Variants in RIC8A observed in about 807,000 individuals in gnomAD.
RIC8A encodes RIC8 guanine nucleotide exchange factor A.
In RIC8A, 37 loss-of-function variants were observed where a neutral mutation model predicts 48.4. The observed-to-expected ratio is 0.77, with a 90% CI of 0.59 to 1.01. The LOEUF is 1.01. RIC8A is among the 50% of genes least tolerant of loss of function. The pLI, the probability that RIC8A is intolerant of heterozygous loss-of-function variation, is 0.00. For missense variants in RIC8A, 681 were observed against 696.8 expected (o/e 0.98, Z 0.25); for synonymous variants, 288 against 283.4 (o/e 1.02, Z -0.16).
chr11:210,529 A>G (rs565451726), intron 3 of RIC8A, 42 bp from the exon 4 acceptor site: 2 of 1,556,754 alleles, frequency 1.3e-6, no homozygotes, highest in African/African-American at 2.7e-5. Flanking sequence ...CAGCAGTGGG[A>G]TGAGTGGGGC....
Position 213,667 on chromosome 11 carries a change from G to A in RIC8A, c.1475+249G>A, listed in dbSNP as rs1010552585. The A allele has an allele frequency of 2.2e-4, 89 of 402,932 alleles. 1 individual carries two copies. Among genetic ancestry groups the A allele is most frequent in the South Asian group, 7.3e-4 (26 of 35,846 alleles). The allele number at this position is 402,932 out of a possible 1,614,324, so 25.0% of individuals were successfully genotyped here. A position where few individuals can be genotyped will look rare whatever the true frequency, so the allele number is the denominator to read the frequency against. ...AGAAATTAAGAGACTGTCTAAGGCC[G>A]GGCGTGGTAGCTCACGCCTATAATC... On this transcript the variant is annotated intron_variant, in intron 9 of 9. Transcript: ENST00000526104.
At position 213,301 on chromosome 11, in the gene RIC8A, T is replaced by C. The variant is rs1855417756; in HGVS notation, c.1358T>C (p.Ile453Thr). ...ACATTCCACCCACTGGGAAACAGCA[T>C]AAACCCTGTGACCGGGAGGGTGGAG... ...TDEYKEAKASINPVTGRVEEK... is the reference protein window; with the variant it reads ...TDEYKEAKASTNPVTGRVEEK... Residue 453 changes from isoleucine to threonine, a missense_variant and splice_region_variant, in exon 9 of 10, where the codon ATA (isoleucine) becomes ACA (threonine). Transcript: ENST00000526104. 1.2e-6 allele frequency: 2 copies of C among 1,613,936 alleles called. No homozygotes were observed. Among genetic ancestry groups the C allele is most frequent in the East Asian group, 4.5e-5 (2 of 44,882 alleles).
rs754165495 is a variant in RIC8A, at chr11:210,576, C to T, written c.732C>T (p.Asp244=). 7.4e-6 allele frequency: 12 copies of T among 1,613,930 alleles called. No individual in the cohort carries two copies. The African/African-American group carries it at 1.1e-4, about 14-fold the overall frequency. ...DSIKGEVDEE[D]AALYRHLGTL... is the part of the protein sequence containing the mutation. The stretch of plus-strand genomic sequence containing the variant: ...ACCCTTCTTTCTTTGGTCAGGAAGA[C>T]GCTGCCCTTTACCGACACCTGGGGA... The change falls in exon 4 of 10, where the codon GAC becomes GAT. Residue 244 remains aspartate (D), a synonymous_variant. Transcript: ENST00000526104.
At chr11:209,236 C>T in intron 1 of RIC8A, 35 bp from the exon 2 acceptor site, 1 of 1,613,898 alleles carries the variant, frequency 6.2e-7, no homozygotes, top group African/African-American at 1.3e-5. Flanking sequence ...GATCCTACCC[C>T]TCTGTGGATT....
chr11:211,310 T>C lies in RIC8A; in HGVS notation c.930T>C (p.Ile310=), dbSNP rs1275008559. The change falls in exon 5 of 10, where the codon ATT becomes ATC. Residue 310 remains isoleucine (I), a synonymous_variant. Transcript: ENST00000526104. The surrounding 1 kb of genome is among the most constrained non-coding windows in gnomAD (Gnocchi z 4.0). Reference sequence around the variant, plus strand: ...TCATGGGAGTGAATATGGATGTGATTCGTGCCCTCCTCATCTTCCTAGAGA... The same window carrying C: ...TCATGGGAGTGAATATGGATGTGATCCGTGCCCTCCTCATCTTCCTAGAGA... ...TEFMGVNMDV[I]RALLIFLEKR... The C allele has an allele frequency of 1.9e-6, 3 of 1,614,150 alleles. No individual in the cohort carries two copies. The highest frequency in any genetic ancestry group is 2.5e-6 in the Non-Finnish European group (3 of 1,180,002).
intron 4 of RIC8A, 37 bp downstream of exon 4, chr11:210,699 C>T: frequency 1.9e-6 from 3 of 1,590,894 alleles, no homozygotes; most frequent in African/African-American, 1.3e-5. Context: ...GAAGTGTGCC[C>T]ACATGTCTAG....
rs1334222784 is a variant in RIC8A at position 210,631 on chromosome 11, A to G, written c.787A>G (p.Thr263Ala). Residue 263 changes from threonine (T) to alanine (A), a missense_variant, in exon 4 of 10, where the codon ACT (threonine) becomes GCT (alanine). By Grantham distance (58) the Thr-to-Ala change is moderately conservative. Coordinates refer to ENST00000526104, the MANE Select transcript of RIC8A (RefSeq NM_001286134.2). ...TLLRHCVMIA[T>A]AGDRTEEFHG... ...TCTCCGGCACTGTGTGATGATCGCT[A>G]CTGCTGGAGACCGCACAGAGGAGTT... 3 of 1,614,076 alleles carry G rather than the reference A, an allele frequency of 1.9e-6. No individual in the cohort carries two copies. Among genetic ancestry groups the G allele is most frequent in the Non-Finnish European group, 2.5e-6 (3 of 1,180,008 alleles).
At chr11:212,537 C>T (rs768304104) in intron 6 of RIC8A, 26 bp downstream of exon 6, 7 of 1,612,866 alleles carry the variant, frequency 4.3e-6, no homozygotes, top group African/African-American at 1.3e-5. Flanking sequence ...GCTGGTGCTC[C>T]TGGGGGATGT....
chr11:209,515 GA>G lies in RIC8A; in HGVS notation c.242del (p.Asp81AlafsTer12). On this transcript the variant is annotated frameshift_variant, in exon 3 of 10. Coordinates refer to ENST00000526104, the MANE Select transcript of RIC8A (RefSeq NM_001286134.2). LOFTEE classifies it high-confidence loss of function. ...RILSRDRNCLDPFTSRQSLQA... is the reference protein window; with the variant it reads ...RILSRDRNCLXPFTSRQSLQA... ...CCTGTCCCGGGACCGCAACTGCCTGGACCCGTTCACCAGCCGCCAGAGCCTG... is the reference window on the plus strand; with the variant it reads ...CCTGTCCCGGGACCGCAACTGCCTGGCCCGTTCACCAGCCGCCAGAGCCTG... 6.2e-7 allele frequency: 1 copy of G among 1,613,900 alleles called. No homozygotes were observed. The highest frequency in any genetic ancestry group is 8.5e-7 in the Non-Finnish European group (1 of 1,179,948).
rs1440324794 is a variant in RIC8A, at chr11:211,448, T to C, written c.969+99T>C. 1.5e-6 allele frequency: 2 copies of C among 1,302,104 alleles called. No homozygotes were observed. The highest frequency in any genetic ancestry group is 2.9e-5 in the South Asian group (2 of 68,044). 80.7% of individuals were successfully genotyped at this position (1,302,104 alleles called of 1,614,324 possible). A position where few individuals can be genotyped will look rare whatever the true frequency, so the allele number is the denominator to read the frequency against. ...CTTCCACACTGTCCACACTGGTACG[T>C]GGAGATTGTCTTGGTGGTGTGATAT... On this transcript the variant is annotated intron_variant, in intron 5 of 9. Coordinates refer to ENST00000526104, the MANE Select transcript of RIC8A (RefSeq NM_001286134.2). The surrounding 1 kb of genome is among the most constrained non-coding windows in gnomAD (Gnocchi z 4.0).
intron 3 of RIC8A, 81 bp from the exon 4 acceptor site, chr11:210,490 A>T (rs1241277531): frequency 8.0e-7 from 1 of 1,243,988 alleles, no homozygotes; most frequent in South Asian, 1.2e-5. Flanking sequence ...ACAGTCCTGG[A>T]GTGCAACAGA....
chr11:211,718 A>G lies in RIC8A; in HGVS notation c.969+369A>G, dbSNP rs1001246578. 5.7e-6 allele frequency: 1 copy of G among 174,004 alleles called. No individual in the cohort carries two copies. Among genetic ancestry groups the G allele is most frequent in the African/African-American group, 2.4e-5 (1 of 42,088 alleles). The allele number at this position is 174,004 out of a possible 1,614,324, so 10.8% of individuals were successfully genotyped here. The stretch of plus-strand genomic sequence containing the variant: ...GGAGACCCATAGGAACCTCAGATCA[A>G]AGCTTCCTTCTGATTGCTGTGACTG... On this transcript the variant is annotated intron_variant, in intron 5 of 9. Coordinates refer to ENST00000526104, the MANE Select transcript of RIC8A (RefSeq NM_001286134.2). The surrounding 1 kb of genome is among the most constrained non-coding windows in gnomAD (Gnocchi z 4.0).
intron 5 of RIC8A, 93 bp from the exon 6 acceptor site, chr11:212,323 A>T: frequency 8.1e-7 from 1 of 1,230,488 alleles, no homozygotes; most frequent in Non-Finnish European, 1.2e-6. Flanking sequence ...GCTGTTGTGT[A>T]TGTTGGTGGG....
Position 213,310 on chromosome 11 carries a change from T to C in RIC8A, c.1367T>C (p.Val456Ala). The C allele has an allele frequency of 1.2e-6, 2 of 1,613,988 alleles. No homozygotes were observed. Among genetic ancestry groups the C allele is most frequent in the Non-Finnish European group, 8.5e-7 (1 of 1,179,962 alleles). ...YKEAKASINP[V>A]TGRVEEKPPN... is the part of the protein sequence containing the mutation. ...CCACTGGGAAACAGCATAAACCCTGTGACCGGGAGGGTGGAGGAGAAGCCG... is the reference window on the plus strand; with the variant it reads ...CCACTGGGAAACAGCATAAACCCTGCGACCGGGAGGGTGGAGGAGAAGCCG... Residue 456 changes from valine (V) to alanine (A), a missense_variant, in exon 9 of 10, where the codon GTG becomes GCG. Transcript: ENST00000526104.
At position 211,015 on chromosome 11, in the gene RIC8A, C is replaced by T. The variant is rs2293169; in HGVS notation, c.819-184C>T. 0.42 allele frequency: 269,806 copies of T among 642,410 alleles called. 58,982 individuals carry two copies. The highest frequency in any genetic ancestry group is 0.52 in the South Asian group (26,116 of 50,006). 39.8% of individuals were successfully genotyped at this position (642,410 alleles called of 1,614,324 possible). On this transcript the variant is annotated intron_variant, in intron 4 of 9. Transcript: ENST00000526104. This position sits in a 1 kb window ranked among gnomAD's most constrained non-coding sequence, Gnocchi z 4.0. ...CAGTGCCCCCACTTCCCCAGGGGAC[C>T]CCACTGTACAGCTGAGTGGCAGTGC...
Position 212,173 on chromosome 11 carries a change from T to C in RIC8A, c.970-243T>C, listed in dbSNP as rs139227273. The stretch of plus-strand genomic sequence containing the variant: ...ACTTAAAGCAGTTATTTCTCCCAAG[T>C]CACAAAGCTTACGAGTACCTCTGAG... On this transcript the variant is annotated intron_variant, in intron 5 of 9. Transcript: ENST00000526104. The C allele has an allele frequency of 2.8e-3, 1,486 of 524,826 alleles. 19 individuals are homozygous for C. The highest frequency in any genetic ancestry group is 0.024 in the African/African-American group (1,245 of 52,756). 32.5% of individuals were successfully genotyped at this position (524,826 alleles called of 1,614,324 possible). A position where few individuals can be genotyped will look rare whatever the true frequency, so the allele number is the denominator to read the frequency against.
chr11:211,355 C>G lies in RIC8A; in HGVS notation c.969+6C>G. 1.2e-6 allele frequency: 2 copies of G among 1,611,698 alleles called. No individual in the cohort carries two copies. Among genetic ancestry groups the G allele is most frequent in the Non-Finnish European group, 1.7e-6 (2 of 1,178,620 alleles). On this transcript the variant is annotated splice_donor_region_variant and intron_variant, in intron 5 of 9. Coordinates refer to ENST00000526104, the MANE Select transcript of RIC8A (RefSeq NM_001286134.2). This position sits in a 1 kb window ranked among gnomAD's most constrained non-coding sequence, Gnocchi z 4.0. The stretch of plus-strand genomic sequence containing the variant: ...TAGAGAAGCGTTTGCACAAGGTAGG[C>G]TGGGGATGGCTGTGCAGGCTCCCCC...
In RIC8A at chr11:211,227, C is replaced by T; in HGVS notation, c.847C>T (p.Pro283Ser). The part of the protein sequence containing the change: ...GHAVNLLGNL[P>S]LKCLDVLLTL... ...CGCAGTGAACCTCCTGGGGAACTTG[C>T]CCCTCAAGTGTCTGGATGTTCTCCT... Residue 283 changes from proline (P) to serine (S), a missense_variant, in exon 5 of 10, where the codon CCC (proline) becomes TCC (serine). By Grantham distance (74) the Pro-to-Ser change is moderately conservative. Transcript: ENST00000526104. The surrounding 1 kb of genome is among the most constrained non-coding windows in gnomAD (Gnocchi z 4.0). 2 of 1,613,884 alleles carry T rather than the reference C, an allele frequency of 1.2e-6. No homozygotes were observed. Among genetic ancestry groups the T allele is most frequent in the South Asian group, 2.2e-5 (2 of 91,060 alleles).
At position 210,896 on chromosome 11, in the gene RIC8A, C is replaced by T. The variant is rs1241782350; in HGVS notation, c.818+234C>T. On this transcript the variant is annotated intron_variant, in intron 4 of 9. Coordinates refer to ENST00000526104, the MANE Select transcript of RIC8A (RefSeq NM_001286134.2). Reference sequence around the variant, plus strand: ...TTACTAGGGCACATTGGTTCCTTGTCCCCGTTTTTGGTCTACCTGCCCCTA... The same window carrying T: ...TTACTAGGGCACATTGGTTCCTTGTTCCCGTTTTTGGTCTACCTGCCCCTA... 2.0e-5 allele frequency: 12 copies of T among 605,274 alleles called. No homozygotes were observed. The East Asian group carries it at 3.3e-4, about 17-fold the overall frequency. The allele number at this position is 605,274 out of a possible 1,614,324, so 37.5% of individuals were successfully genotyped here.
Sources: allele counts gnomAD v4.1 joint callset, GRCh38; gene constraint gnomAD v4.1.1; non-coding constraint Gnocchi (gnomAD v3.1); transcripts MANE v1.5; gene names NCBI Gene and HGNC (gene_info 2026-07-23, HGNC 2026-07-21).